XRRA1: variants seen among roughly 807,000 people sequenced by gnomAD.
The protein encoded by XRRA1 is X-ray radiation resistance associated 1.
Under a neutral mutation model 80.2 loss-of-function variants are expected in XRRA1, and 69 were observed. The observed-to-expected ratio is 0.86, with a 90% confidence interval of 0.71 to 1.05. XRRA1 has a LOEUF of 1.05. XRRA1 is among the 50% of genes least tolerant of loss of function. The probability of loss-of-function intolerance (pLI) is 0.00; values close to 1 mark genes in which losing one functional copy is unlikely to be tolerated. For synonymous variants in XRRA1, 348 were observed against 389.9 expected (o/e 0.89, Z 1.27); for missense variants, 967 against 976.4 (o/e 0.99, Z 0.13).
intron 7 of XRRA1, among the ~76,000 whole-genome samples, chr11:74,924,258 G>A (rs1360007336): frequency 6.8e-6 from 1 of 148,114 alleles, no homozygotes; most frequent in Non-Finnish European, 1.5e-5. Flanking sequence ...GGCAGATCAC[G>A]AGGTCAGGAG....
intron 8 of XRRA1, among the ~76,000 whole-genome samples, chr11:74,917,418 A>G (rs1939078494): frequency 6.6e-6 from 1 of 152,126 alleles, no homozygotes; most frequent in African/African-American, 2.4e-5. Context: ...TGTGAAGATT[A>G]TTTGTGTCCA....
chr11:74,891,493 C>G (rs1448218988), intron 10 of XRRA1, among the ~76,000 whole-genome samples: 2 of 152,156 alleles, frequency 1.3e-5, no homozygotes, highest in East Asian at 3.9e-4. Context: ...AAAACTGGCA[C>G]AAGACAGGGA....
At position 74,904,856 on chromosome 11, in the gene XRRA1, A is replaced by C. The variant is rs554306217; in HGVS notation, c.1003+1383T>G. Among the ~76,000 whole-genome samples the C allele has an allele frequency of 1.1e-4, 16 of 151,744 alleles. No individual in the cohort carries two copies. In the East Asian group the frequency reaches 2.7e-3, roughly 26 times the overall value. ...CACAACCTACCAAGATAAAAGTCACAAACCTAATAACAGAGAACCAAACCA... is the reference window on the plus strand; with the variant it reads ...CACAACCTACCAAGATAAAAGTCACCAACCTAATAACAGAGAACCAAACCA... On this transcript the variant is annotated intron_variant, in intron 10 of 18. Transcript: ENST00000684022.
intron 1 of XRRA1, among the ~76,000 whole-genome samples, chr11:74,946,333 C>A (rs1947519022): frequency 6.6e-6 from 1 of 152,170 alleles, no homozygotes; most frequent in Non-Finnish European, 1.5e-5. Flanking sequence ...CCATAATCCC[C>A]ATGTGTTGAG....
intron 10 of XRRA1, among the ~76,000 whole-genome samples, chr11:74,882,568 T>C (rs2136794289): frequency 6.6e-6 from 1 of 152,368 alleles, no homozygotes; most frequent in South Asian, 2.1e-4. Flanking sequence ...TGCGTTCCTT[T>C]GGAGGAGGAG....
At chr11:74,921,738 A>G (rs1008194460) in intron 7 of XRRA1, among the ~76,000 whole-genome samples, 1 of 152,008 alleles carries the variant, frequency 6.6e-6, no homozygotes, top group Non-Finnish European at 1.5e-5. Context: ...TGGAATCTCT[A>G]CCTCCCCTAA....
intron 12 of XRRA1, 95 bp downstream of exon 12, chr11:74,859,063 G>A (rs2041767227): frequency 2.1e-6 from 3 of 1,425,160 alleles, no homozygotes; most frequent in Non-Finnish European, 2.8e-6. Context: ...GTAATGCAGG[G>A]AATTGAATGG....
chr11:74,847,464 T>C (rs2038582175), intron 15 of XRRA1, among the ~76,000 whole-genome samples: 1 of 152,222 alleles, frequency 6.6e-6, no homozygotes. Context: ...GGTTTCTGCA[T>C]GTACCATTTT....
intron 1 of XRRA1, among the ~76,000 whole-genome samples, chr11:74,945,814 A>G (rs777813501): frequency 2.0e-5 from 3 of 152,022 alleles, no homozygotes; most frequent in Non-Finnish European, 4.4e-5. Flanking sequence ...ACACACACAC[A>G]CACAGAGTAA....
chr11:74,940,185 G>A (rs1306327311), intron 3 of XRRA1, among the ~76,000 whole-genome samples: 1 of 152,174 alleles, frequency 6.6e-6, no homozygotes, highest in African/African-American at 2.4e-5. Context: ...CTCTTATTAT[G>A]ACAATTCCCT....
intron 10 of XRRA1, among the ~76,000 whole-genome samples, chr11:74,870,045 C>T (rs1448695537): frequency 6.6e-6 from 1 of 152,140 alleles, no homozygotes; most frequent in Non-Finnish European, 1.5e-5. Context: ...AGGAGCAGAC[C>T]CCAAATCTTT....
At chr11:74,933,500 C>T (rs921949255) in intron 5 of XRRA1, 1 of 208,018 alleles carries the variant, frequency 4.8e-6, no homozygotes, top group Non-Finnish European at 9.9e-6. Context: ...TTGTGATCCA[C>T]CCACCTCGGC....
Position 74,891,602 on chromosome 11 carries a change from G to A in XRRA1, c.1003+14637C>T, listed in dbSNP as rs1381336827. Among the ~76,000 whole-genome samples, 4 of 152,278 alleles carry A rather than the reference G, an allele frequency of 2.6e-5. No homozygotes were observed. In the East Asian group the frequency reaches 7.7e-4, roughly 29 times the overall value. On this transcript the variant is annotated intron_variant, in intron 10 of 18. Transcript: ENST00000684022. ...TAAAGGGTATTCAATCAAGAAAAGAGGAAGTCAAATTGTCCCTGTTTGCAG... is the reference window on the plus strand; with the variant it reads ...TAAAGGGTATTCAATCAAGAAAAGAAGAAGTCAAATTGTCCCTGTTTGCAG...
intron 11 of XRRA1, among the ~76,000 whole-genome samples, chr11:74,862,453 T>C (rs1036878358): frequency 6.6e-6 from 1 of 152,212 alleles, no homozygotes; most frequent in African/African-American, 2.4e-5. Flanking sequence ...AATGAATAAA[T>C]CAATATTTGG....
At position 74,844,237 on chromosome 11, in the gene XRRA1, T is replaced by G; in HGVS notation, c.1974A>C (p.Pro658=). The change falls in exon 17 of 19, where the codon CCA becomes CCC. Residue 658 remains proline (P), a synonymous_variant. Coordinates refer to ENST00000684022, the MANE Select transcript of XRRA1 (RefSeq NM_001378157.1). ...TGGGCTTGGAGGAGTGGCACAGGAG[T>G]GGGTGCTTCAGCATTTGTTGCAGGG... is the stretch of plus-strand genomic sequence containing the variant. ...AQALQQMLKH[P]LLCHSSKPKL... is the part of the protein sequence containing the mutation. 6.2e-7 allele frequency: 1 copy of G among 1,613,404 alleles called. No homozygotes were observed. Among genetic ancestry groups the G allele is most frequent in the Non-Finnish European group, 8.5e-7 (1 of 1,179,782 alleles).
intron 14 of XRRA1, among the ~76,000 whole-genome samples, chr11:74,849,868 C>T (rs2039328108): frequency 6.6e-6 from 1 of 152,196 alleles, no homozygotes; most frequent in African/African-American, 2.4e-5. Context: ...TCTGTCCATG[C>T]CTAGGTGTGA....
intron 10 of XRRA1, among the ~76,000 whole-genome samples, chr11:74,896,906 C>T (rs1362031620): frequency 6.6e-6 from 1 of 152,122 alleles, no homozygotes; most frequent in Non-Finnish European, 1.5e-5. Flanking sequence ...CCTGGAAAGC[C>T]TTCCCAAGAA....
In XRRA1 at chr11:74,843,171, G is replaced by C; in HGVS notation, c.*29C>G. ...TCGGGGAGAGCTGGGGCACAGGCCGGGTGGTGCACACAGCCCCCATGCACA... is the reference window on the plus strand; with the variant it reads ...TCGGGGAGAGCTGGGGCACAGGCCGCGTGGTGCACACAGCCCCCATGCACA... On this transcript the variant is annotated 3_prime_UTR_variant, in exon 19 of 19. Coordinates refer to ENST00000684022, the MANE Select transcript of XRRA1 (RefSeq NM_001378157.1). The C allele has an allele frequency of 6.5e-7, 1 of 1,536,190 alleles. No individual in the cohort carries two copies. The highest frequency in any genetic ancestry group is 8.8e-7 in the Non-Finnish European group (1 of 1,137,622).
intron 15 of XRRA1, chr11:74,845,980 C>T (rs1405517334): frequency 9.2e-5 from 14 of 152,272 alleles, no homozygotes; most frequent in Admixed American, 7.9e-4. Flanking sequence ...TGCTTGAGCT[C>T]GGGAGCTCTA....
Sources: allele counts gnomAD v4.1 joint callset (sites outside exome capture counted in the v4.1 genomes callset), GRCh38; gene constraint gnomAD v4.1.1; transcripts MANE v1.5; gene names NCBI Gene and HGNC (gene_info 2026-07-23, HGNC 2026-07-21).